The following CCDC3 variants were observed in gnomAD, a reference collection of about 807,000 sequenced individuals.
CCDC3 encodes coiled-coil domain-containing protein 3.
A neutral mutation model predicts 21.4 loss-of-function variants in CCDC3; 24 were observed. That is an observed-to-expected ratio of 1.12 (90% CI 0.81 to 1.58). The LOEUF (loss-of-function observed/expected upper bound fraction) is 1.58, where lower values mean the gene tolerates loss of function less well. Among genes scored for constraint, CCDC3 ranks in the 40% most tolerant of loss-of-function variants. CCDC3 has a pLI of 0.00. For missense variants in CCDC3, 425 were observed against 360.9 expected, an observed-to-expected ratio of 1.18 and a Z score of -1.44; for synonymous variants, 186 against 166.0, an observed-to-expected ratio of 1.12 and a Z score of -0.93.
intron 2 of CCDC3, among the ~76,000 whole-genome samples, chr10:12,910,589 CAG>C (rs1834254522): frequency 8.9e-6 from 1 of 112,174 alleles, no homozygotes; most frequent in Non-Finnish European, 1.8e-5. Context: ...AATAACTAGT[CAG>C]AGCAAAAAAA....
Position 13,010,728 on chromosome 10 carries a change from T to A in CCDC3, c.-1-12216A>T, listed in dbSNP as rs116844497. On this transcript the variant is annotated intron_variant, in intron 5 of 6. Transcript: ENST00000378839. ...ACCCAAGTGTCCATCCACAGGTACA[T>A]GAAAAAATAAACCGTGGCCTGCAAT... 4.6e-3 allele frequency among the ~76,000 whole-genome samples: 703 copies of A among 152,168 alleles called. 28 individuals are homozygous for A. In the South Asian group the frequency reaches 0.072, roughly 16 times the overall value.
upstream of CCDC3, among the ~76,000 whole-genome samples, chr10:13,003,996 A>G (rs985256931): frequency 7.2e-5 from 11 of 152,168 alleles, no homozygotes; most frequent in Non-Finnish European, 1.5e-4. Context: ...ATTGCAGTGT[A>G]CCGTAGTGAG....
intron 4 of CCDC3, among the ~76,000 whole-genome samples, chr10:13,066,702 C>A (rs971217542): frequency 2.6e-5 from 4 of 152,148 alleles, no homozygotes; most frequent in African/African-American, 9.7e-5. Flanking sequence ...ATGAGGGAAC[C>A]TGCCCAGGGC....
intron 2 of CCDC3, among the ~76,000 whole-genome samples, chr10:12,957,869 G>A (rs1457098064): frequency 2.0e-5 from 3 of 152,120 alleles, no homozygotes; most frequent in South Asian, 2.1e-4. Flanking sequence ...TTTGTGAGAA[G>A]GAGCCTCGCT....
chr10:13,076,488 A>C (rs1003079493), intron 3 of CCDC3, among the ~76,000 whole-genome samples: 5 of 152,216 alleles, frequency 3.3e-5, no homozygotes, highest in Admixed American at 2.6e-4. Flanking sequence ...TTCTTCCTCA[A>C]AGTTTCCCTT....
At chr10:13,063,146 C>T (rs1057172397) in intron 4 of CCDC3, among the ~76,000 whole-genome samples, 7 of 151,676 alleles carry the variant, frequency 4.6e-5, no homozygotes, top group East Asian at 1.9e-4. Flanking sequence ...CCCGAATGTT[C>T]GGGGAGACTG....
At chr10:13,016,572 T>TA (rs1280661360) in intron 5 of CCDC3, among the ~76,000 whole-genome samples, 1 of 151,920 alleles carries the variant, frequency 6.6e-6, no homozygotes, top group Non-Finnish European at 1.5e-5. Context: ...ATTTCATAGA[T>TA]AAAAAAGCTG....
chr10:13,020,992 C>G (rs746786635), intron 5 of CCDC3, among the ~76,000 whole-genome samples: 1 of 152,172 alleles, frequency 6.6e-6, no homozygotes, highest in African/African-American at 2.4e-5. Flanking sequence ...ATGAATGAAT[C>G]AATATGTCCT....
chr10:12,907,652 A>C (rs1391848742), intron 2 of CCDC3, among the ~76,000 whole-genome samples: 1 of 142,886 alleles, frequency 7.0e-6, no homozygotes, highest in Non-Finnish European at 1.6e-5. Context: ...TCAAAGAAAA[A>C]GAAAAAAGAA....
intron 2 of CCDC3, among the ~76,000 whole-genome samples, chr10:12,904,079 C>T (rs182919516): frequency 5.3e-5 from 8 of 152,156 alleles, no homozygotes; most frequent in African/African-American, 1.2e-4. Context: ...TTCCAGTCAT[C>T]GGTCTGTACA....
At chr10:12,959,461 C>T (rs1171819472) in intron 2 of CCDC3, among the ~76,000 whole-genome samples, 4 of 152,098 alleles carry the variant, frequency 2.6e-5, no homozygotes, top group Non-Finnish European at 4.4e-5. Context: ...AGGCACCGTG[C>T]CCAACCTACA....
chr10:12,983,008 A>G (rs536162458), intron 2 of CCDC3, among the ~76,000 whole-genome samples: 1 of 150,688 alleles, frequency 6.6e-6, no homozygotes, highest in South Asian at 2.1e-4. Flanking sequence ...GCTGCTGAAC[A>G]GGCTGAGGCA....
At chr10:12,982,462 A>ATT (rs1835513577) in intron 2 of CCDC3, among the ~76,000 whole-genome samples, 1 of 151,990 alleles carries the variant, frequency 6.6e-6, no homozygotes, top group African/African-American at 2.4e-5. Flanking sequence ...AGATTTTGTT[A>ATT]AGAGTAGATT....
intron 2 of CCDC3, among the ~76,000 whole-genome samples, chr10:12,912,713 CCT>C (rs1230728236): frequency 6.6e-6 from 1 of 152,040 alleles, no homozygotes; most frequent in Non-Finnish European, 1.5e-5. Context: ...GAGCTCTGCC[CCT>C]GTGTTTGCTT....
intron 5 of CCDC3, among the ~76,000 whole-genome samples, chr10:13,032,921 G>T (rs1445553444): frequency 6.6e-6 from 1 of 152,278 alleles, no homozygotes; most frequent in South Asian, 2.1e-4. Flanking sequence ...ACTGCCCAAG[G>T]TAATTTATAG....
chr10:13,039,827 G>A (rs558508884), intron 5 of CCDC3, among the ~76,000 whole-genome samples: 7 of 151,672 alleles, frequency 4.6e-5, no homozygotes, highest in Non-Finnish European at 7.4e-5. Flanking sequence ...GGAGAGGTGG[G>A]TTCTAGTTGT....
chr10:12,951,804 C>CAAAAAA (rs71924811), intron 2 of CCDC3, among the ~76,000 whole-genome samples: 795 of 60,356 alleles, frequency 0.013, 158 homozygotes, highest in Admixed American at 0.056. Context: ...GACTTCATCT[C>CAAAAAA]AAAAAAAAAA....
At chr10:13,069,920 G>A (rs554485581) in intron 4 of CCDC3, among the ~76,000 whole-genome samples, 89 of 152,272 alleles carry the variant, frequency 5.8e-4, no homozygotes, top group African/African-American at 2.1e-3. Flanking sequence ...CTCTTCAACA[G>A]ATGGTTTATA....
intron 5 of CCDC3, among the ~76,000 whole-genome samples, chr10:13,031,560 G>C (rs184537418): frequency 3.3e-5 from 5 of 152,020 alleles, no homozygotes; most frequent in Non-Finnish European, 5.9e-5. Flanking sequence ...TACAGGAGCT[G>C]GTTTTTTGAA....
Sources: gnomAD v4.1 joint callset for allele counts (sites outside exome capture counted in the v4.1 genomes callset) on GRCh38, gnomAD v4.1.1 for gene constraint, MANE v1.5 for transcripts, NCBI Gene and HGNC (gene_info 2026-07-23, HGNC 2026-07-21) for gene names.